The following ZNF236 variants were observed in gnomAD, a reference collection of about 807,000 sequenced individuals.
The protein encoded by ZNF236 is zinc finger protein 236, also known as regulated by glucose.
Under a neutral mutation model 191.2 loss-of-function variants are expected in ZNF236, and 50 were observed. That is an observed-to-expected ratio of 0.26 (90% CI 0.21 to 0.33). The LOEUF (loss-of-function observed/expected upper bound fraction) is 0.33, where lower values mean the gene tolerates loss of function less well. Among genes scored for constraint, ZNF236 ranks in the 10% least tolerant of loss-of-function variants. The pLI, the probability that ZNF236 is intolerant of heterozygous loss-of-function variation, is 1.00. For synonymous variants in ZNF236, 907 were observed against 928.8 expected (o/e 0.98, Z 0.43); for missense variants, 1,754 against 2,374.5 (o/e 0.74, Z 5.43).
intron 12 of ZNF236, among the ~76,000 whole-genome samples, chr18:76,904,882 C>T (rs1480005515): frequency 1.3e-5 from 2 of 152,184 alleles, no homozygotes; most frequent in Non-Finnish European, 1.5e-5. Flanking sequence ...GAACCTTGAT[C>T]ATGAGAGACA....
chr18:76,925,697 G>A lies in ZNF236; in HGVS notation c.4027+143G>A, dbSNP rs540421104. ...TGAGCCTTTTCCTTATAAGGCATTC[G>A]GAAAAATTGGAATTCCGTCTTGCAG... On this transcript the variant is annotated intron_variant, in intron 22 of 30. Transcript: ENST00000320610. This position sits in a 1 kb window ranked among gnomAD's most constrained non-coding sequence, Gnocchi z 5.7. 22 of 1,169,500 alleles carry A rather than the reference G, an allele frequency of 1.9e-5. No individual in the cohort carries two copies. The highest frequency in any genetic ancestry group is 1.2e-4 in the Admixed American group (4 of 34,550). 72.4% of individuals were successfully genotyped at this position (1,169,500 alleles called of 1,614,324 possible).
chr18:76,972,568 G>A lies in ZNF236; in HGVS notation c.*4229G>A, dbSNP rs1241099381. ...ATGAAGATTAGTATGAATGGCAGGA[G>A]CAACAGGCAGTCAGAAGAGATTTTT... On this transcript the variant is annotated 3_prime_UTR_variant, in exon 31 of 31. Coordinates refer to ENST00000320610, the MANE Select transcript of ZNF236 (RefSeq NM_001306089.2). Among the ~76,000 whole-genome samples the A allele has an allele frequency of 3.3e-5, 5 of 152,180 alleles. No homozygotes were observed. Among genetic ancestry groups the A allele is most frequent in the Admixed American group, 6.5e-5 (1 of 15,278 alleles).
At chr18:76,943,540 A>G (rs575649198) in intron 26 of ZNF236, among the ~76,000 whole-genome samples, 1 of 152,244 alleles carries the variant, frequency 6.6e-6, no homozygotes, top group Non-Finnish European at 1.5e-5. Flanking sequence ...AATTCTTGTC[A>G]TAAAAAAACA....
intron 6 of ZNF236, among the ~76,000 whole-genome samples, chr18:76,877,039 T>G (rs575648691): frequency 6.6e-6 from 1 of 152,184 alleles, no homozygotes; most frequent in South Asian, 2.1e-4. Flanking sequence ...AGAATGGAAG[T>G]CTTACTCAAG....
chr18:76,936,988 G>A (rs1968016903), intron 25 of ZNF236, among the ~76,000 whole-genome samples, 168 bp from the exon 26 acceptor site: 1 of 152,194 alleles, frequency 6.6e-6, no homozygotes, highest in Non-Finnish European at 1.5e-5. Flanking sequence ...ACTAAGAAAA[G>A]CCTTATCCTA....
chr18:76,883,362 C>CTTTTTTTTTTTTT, intron 9 of ZNF236, among the ~76,000 whole-genome samples: 1 of 93,084 alleles, frequency 1.1e-5, no homozygotes, highest in Non-Finnish European at 2.2e-5. Flanking sequence ...GGAGCCAGTG[C>CTTTTTTTTTTTTT]TTTTTTTTTT....
chr18:76,834,629 TC>T, intron 1 of ZNF236: 1 of 448,078 alleles, frequency 2.2e-6, no homozygotes. Context: ...ATTATCCTTT[TC>T]CCGTTGCACC....
intron 22 of ZNF236, 74 bp from the exon 23 acceptor site, chr18:76,926,963 G>A: frequency 2.0e-6 from 3 of 1,523,098 alleles, no homozygotes; most frequent in Non-Finnish European, 2.7e-6. Flanking sequence ...AAATCCCTAT[G>A]TAAAAAATGA....
chr18:76,902,931 A>G (rs952076918), intron 11 of ZNF236, among the ~76,000 whole-genome samples: 1 of 151,982 alleles, frequency 6.6e-6, no homozygotes, highest in Non-Finnish European at 1.5e-5. Context: ...GTTAGGAAAA[A>G]GTGAGGCTGT....
chr18:76,847,526 C>T (rs1346252529), intron 1 of ZNF236, among the ~76,000 whole-genome samples: 6 of 151,784 alleles, frequency 4.0e-5, no homozygotes, highest in Non-Finnish European at 5.9e-5. Context: ...AGTGCAGTGG[C>T]GCGATCTCAG....
chr18:76,959,519 C>G (rs1037220006), intron 28 of ZNF236, among the ~76,000 whole-genome samples, 168 bp from the exon 29 acceptor site: 4 of 152,210 alleles, frequency 2.6e-5, no homozygotes, highest in Admixed American at 6.5e-5. Flanking sequence ...TGTTGTCACT[C>G]TGTTGTCACT....
At chr18:76,957,646 A>T (rs1968554035) in intron 28 of ZNF236, among the ~76,000 whole-genome samples, 2 of 152,108 alleles carry the variant, frequency 1.3e-5, no homozygotes, top group South Asian at 4.2e-4. Flanking sequence ...AGTAGCCAAT[A>T]ATTTTTCCTG....
At chr18:76,868,582 G>A in intron 3 of ZNF236, 103 bp from the exon 4 acceptor site, 1 of 924,916 alleles carries the variant, frequency 1.1e-6, no homozygotes, top group Non-Finnish European at 1.6e-6. Flanking sequence ...GAGAGACCAA[G>A]TAGTTTTCAT....
intron 27 of ZNF236, among the ~76,000 whole-genome samples, chr18:76,949,458 T>TAATCTGTCA (rs1968351134): frequency 6.6e-6 from 1 of 152,118 alleles, no homozygotes; most frequent in African/African-American, 2.4e-5. Flanking sequence ...ACAGATTAAA[T>TAATCTGTCA]ATAAAAATGA....
At chr18:76,890,261 G>C (rs927692120) in intron 9 of ZNF236, among the ~76,000 whole-genome samples, 1 of 152,128 alleles carries the variant, frequency 6.6e-6, no homozygotes, top group African/African-American at 2.4e-5. Context: ...GTGACTTGTA[G>C]ATATAATGCC....
Position 76,881,506 on chromosome 18 carries a change from C to T in ZNF236, c.1411C>T (p.Leu471=). ...KKMIKKKSPF[L]PGSIREENGV... ...AATGATAAAGAAGAAGTCACCGTTT[C>T]TACCTGGTAATTTTCCTAAACTTTA... is the stretch of plus-strand genomic sequence containing the variant. Residue 471 remains leucine (L), a synonymous_variant, in exon 9 of 31, where the codon CTA becomes TTA. Transcript: ENST00000320610. The T allele has an allele frequency of 1.9e-6, 3 of 1,609,148 alleles. No individual in the cohort carries two copies. The highest frequency in any genetic ancestry group is 2.5e-6 in the Non-Finnish European group (3 of 1,178,772).
At chr18:76,907,356 G>A (rs2122751483) in intron 13 of ZNF236, among the ~76,000 whole-genome samples, 1 of 152,328 alleles carries the variant, frequency 6.6e-6, no homozygotes, top group African/African-American at 2.4e-5. Context: ...GTGTGTGTGG[G>A]TGTTTTTGTT....
intron 27 of ZNF236, among the ~76,000 whole-genome samples, chr18:76,953,249 A>G (rs1285554422): frequency 6.6e-6 from 1 of 152,164 alleles, no homozygotes; most frequent in Non-Finnish European, 1.5e-5. Flanking sequence ...TAGCAACTTC[A>G]AGCTATTAAA....
rs189125381 is a variant in ZNF236 at position 76,936,785 on chromosome 18, T to A, written c.4595-371T>A. Among the ~76,000 whole-genome samples the A allele has an allele frequency of 2.1e-4, 32 of 152,302 alleles. No homozygotes were observed. In the East Asian group the frequency reaches 4.8e-3, roughly 23 times the overall value. On this transcript the variant is annotated intron_variant, in intron 25 of 30. Coordinates refer to ENST00000320610, the MANE Select transcript of ZNF236 (RefSeq NM_001306089.2). ...CTATTCCTCAGTGGATCACACTTGCTTCCTTTCTTCAGCTGGTCTCTTTGG... is the reference window on the plus strand; with the variant it reads ...CTATTCCTCAGTGGATCACACTTGCATCCTTTCTTCAGCTGGTCTCTTTGG...
Sources: gnomAD v4.1 joint callset for allele counts (sites outside exome capture counted in the v4.1 genomes callset) on GRCh38, gnomAD v4.1.1 for gene constraint, Gnocchi (gnomAD v3.1) non-coding constraint, MANE v1.5 for transcripts, NCBI Gene and HGNC (gene_info 2026-07-23, HGNC 2026-07-21) for gene names.